The following MGAM variants were observed in gnomAD, a reference collection of about 807,000 sequenced individuals.
The protein encoded by MGAM is maltase-glucoamylase.
A neutral mutation model predicts 358.8 loss-of-function variants in MGAM; 253 were observed. That is an observed-to-expected ratio of 0.71 (90% CI 0.64 to 0.78). The LOEUF is 0.78. MGAM is among the 30% of genes least tolerant of loss of function. The probability of loss-of-function intolerance (pLI) is 0.00; values close to 1 mark genes in which losing one functional copy is unlikely to be tolerated. For synonymous variants in MGAM, 1,105 were observed against 1,227.1 expected, an observed-to-expected ratio of 0.90 and a Z score of 2.08; for missense variants, 3,080 against 3,432.6, an observed-to-expected ratio of 0.90 and a Z score of 2.57.
At position 142,074,074 on chromosome 7, in the gene MGAM, G is replaced by T; in HGVS notation, c.5187-11G>T. Reference sequence around the variant, plus strand: ...CTCCTGTCTTTGTCTCTTGAATCTTGTTCCCCACAGTCGAAAGAACCCTCT... The same window carrying T: ...CTCCTGTCTTTGTCTCTTGAATCTTTTTCCCCACAGTCGAAAGAACCCTCT... On this transcript the variant is annotated splice_polypyrimidine_tract_variant and intron_variant, in intron 44 of 70. Coordinates refer to ENST00000475668, the MANE Select transcript of MGAM (RefSeq NM_001365693.1). The T allele has an allele frequency of 6.6e-7, 1 of 1,511,348 alleles. No homozygotes were observed. Among genetic ancestry groups the T allele is most frequent in the Non-Finnish European group, 9.1e-7 (1 of 1,096,244 alleles). 93.6% of individuals were successfully genotyped at this position (1,511,348 alleles called of 1,614,324 possible).
At chr7:142,082,386 AC>A in intron 51 of MGAM, 88 bp from the exon 52 acceptor site, 1 of 1,288,056 alleles carries the variant, frequency 7.8e-7, no homozygotes, top group Non-Finnish European at 1.1e-6. Flanking sequence ...AGAAAACTAG[AC>A]CCATCTTAGC....
chr7:142,054,625 A>C (rs1563171336), intron 26 of MGAM, 129 bp from the exon 27 acceptor site: 1 of 1,065,038 alleles, frequency 9.4e-7, no homozygotes, highest in Non-Finnish European at 1.3e-6. Context: ...TATTAATTAA[A>C]TCTCAGATAT....
In MGAM at chr7:142,093,924, T is replaced by A. The variant is rs1219588734; in HGVS notation, c.7172+374T>A. On this transcript the variant is annotated intron_variant, in intron 60 of 70. Transcript: ENST00000475668. ...CCTTTATTTCAAAGTGAATCATCTT[T>A]GGAGTTCTTTTTTGTTTTTCACCAT... Among the ~76,000 whole-genome samples the A allele has an allele frequency of 2.7e-5, 4 of 145,536 alleles. 1 individual carries two copies. Among genetic ancestry groups the A allele is most frequent in the African/African-American group, 9.7e-5 (4 of 41,040 alleles).
Position 142,055,738 on chromosome 7 carries a change from G to A in MGAM, c.3483+12G>A, listed in dbSNP as rs371461094. 23 of 1,613,234 alleles carry A rather than the reference G, an allele frequency of 1.4e-5. No individual in the cohort carries two copies. Among genetic ancestry groups the A allele is most frequent in the Non-Finnish European group, 1.9e-5 (22 of 1,179,496 alleles). On this transcript the variant is annotated intron_variant, in intron 28 of 70. Coordinates refer to ENST00000475668, the MANE Select transcript of MGAM (RefSeq NM_001365693.1). ...ACCAGCCCCCAGGGGTAAGGACAGA[G>A]CATTTGGGATCTGTGTCTCTGCTTC...
rs1450254531 is a variant in MGAM, at chr7:142,041,998, AT to A, written c.2498+1154del. 3.9e-3 allele frequency among the ~76,000 whole-genome samples: 51 copies of A among 13,082 alleles called. 6 individuals are homozygous for A. The highest frequency in any genetic ancestry group is 0.016 in the African/African-American group (47 of 3,020). The allele number at this position is 13,082 out of a possible 152,430, so 8.6% of individuals were successfully genotyped here. A position where few individuals can be genotyped will look rare whatever the true frequency, so the allele number is the denominator to read the frequency against. On this transcript the variant is annotated intron_variant, in intron 21 of 70. Transcript: ENST00000475668. Reference sequence around the variant, plus strand: ...TATATATATAATATAATATATATATATTATATATATAATATAATATATATAT... The same window carrying A: ...TATATATATAATATAATATATATATATATATATATAATATAATATATATAT...
rs369302443 is a variant in MGAM, at chr7:142,030,430, T to C, written c.1290T>C (p.Phe430=). 27 of 1,613,546 alleles carry C rather than the reference T, an allele frequency of 1.7e-5. No individual in the cohort carries two copies. In the African/African-American group the frequency reaches 2.5e-4, roughly 15 times the overall value. The change falls in exon 11 of 71, where the codon TTT becomes TTC. Residue 430 remains phenylalanine (F), a synonymous_variant. Transcript: ENST00000475668. ...ACTTCACTTATGATTCAGTGGATTT[T>C]AAAGGCTTCCCTGAATTTGTCAACG... ...RRDFTYDSVD[F]KGFPEFVNEL... is the part of the protein sequence containing the mutation.
Position 142,027,461 on chromosome 7 carries a change from A to G in MGAM, c.1096-149A>G, listed in dbSNP as rs1284864760. ...TGGCCCTACCCTCAAACATTTATGAAGGGGCTGGAAAAATAGACTAACATT... is the reference window on the plus strand; with the variant it reads ...TGGCCCTACCCTCAAACATTTATGAGGGGGCTGGAAAAATAGACTAACATT... On this transcript the variant is annotated intron_variant, in intron 9 of 70. Transcript: ENST00000475668. 1.8e-5 allele frequency: 17 copies of G among 956,732 alleles called. No individual in the cohort carries two copies. In the African/African-American group the frequency reaches 2.8e-4, roughly 16 times the overall value. 59.3% of individuals were successfully genotyped at this position (956,732 alleles called of 1,614,324 possible). A position where few individuals can be genotyped will look rare whatever the true frequency, so the allele number is the denominator to read the frequency against.
chr7:142,013,920 C>G (rs1465818037), intron 3 of MGAM, among the ~76,000 whole-genome samples: 3 of 152,166 alleles, frequency 2.0e-5, no homozygotes, highest in Admixed American at 1.3e-4. Flanking sequence ...TTCCTAGGCT[C>G]TGTCCCAGAA....
chr7:142,049,688 T>A (rs1431238958), intron 22 of MGAM, among the ~76,000 whole-genome samples: 1 of 152,112 alleles, frequency 6.6e-6, no homozygotes, highest in Non-Finnish European at 1.5e-5. Flanking sequence ...CTAACTGGCA[T>A]GTGAAAAGAT....
rs186347528 is a variant in MGAM at position 142,065,581 on chromosome 7, G to T, written c.4619-7G>T. On this transcript the variant is annotated splice_polypyrimidine_tract_variant and splice_region_variant and intron_variant, in intron 38 of 70. Coordinates refer to ENST00000475668, the MANE Select transcript of MGAM (RefSeq NM_001365693.1). ...CTGGTGTGACACAGCTGTGCTTCTC[G>T]TTGCAGGCATGATGGAGTTCAGCCT... 6.2e-7 allele frequency: 1 copy of T among 1,613,952 alleles called. No individual in the cohort carries two copies. Among genetic ancestry groups the T allele is most frequent in the East Asian group, 2.2e-5 (1 of 44,864 alleles).
At chr7:142,003,785 T>C (rs1285943) in intron 1 of MGAM, among the ~76,000 whole-genome samples, 73,219 of 151,754 alleles carry the variant, frequency 0.48, 18,125 homozygotes, top group East Asian at 0.68. Context: ...TTAAAATATT[T>C]GCAAACAGTG....
At chr7:142,062,200 A>G (rs1408955234) in intron 34 of MGAM, among the ~76,000 whole-genome samples, 2 of 152,174 alleles carry the variant, frequency 1.3e-5, no homozygotes, top group Non-Finnish European at 2.9e-5. Flanking sequence ...ATTACCATGC[A>G]TCTCATGTCT....
rs781602751 is a variant in MGAM at position 142,099,686 on chromosome 7, G to T, written c.7823G>T (p.Arg2608Leu). 6.2e-6 allele frequency: 10 copies of T among 1,613,972 alleles called. No individual in the cohort carries two copies. Among genetic ancestry groups the T allele is most frequent in the East Asian group, 2.2e-5 (1 of 44,874 alleles). Reference protein sequence around the residue: ...APLDHINLHVRGGYILPWQEP... With the variant: ...APLDHINLHVLGGYILPWQEP... The stretch of plus-strand genomic sequence containing the variant: ...CTTGACCACATTAATCTTCATGTCC[G>T]TGGGGGCTACATCCTGCCCTGGCAA... Residue 2608 changes from arginine to leucine, a missense_variant, in exon 67 of 71, where the codon CGT (arginine) becomes CTT (leucine). By Grantham distance (102) the Arg-to-Leu change is moderately radical. Coordinates refer to ENST00000475668, the MANE Select transcript of MGAM (RefSeq NM_001365693.1).
chr7:142,056,977 C>G (rs560158573), intron 30 of MGAM, 35 bp downstream of exon 30: 2 of 1,597,706 alleles, frequency 1.3e-6, no homozygotes, highest in South Asian at 2.2e-5. Context: ...CAAGTACTTA[C>G]ACAGCACATT....
chr7:142,027,334 A>T (rs528035675), intron 9 of MGAM, 107 bp downstream of exon 9: 1 of 910,746 alleles, frequency 1.1e-6, no homozygotes, highest in South Asian at 1.6e-5. Flanking sequence ...GCTGTTACAA[A>T]TTTGAGATAT....
intron 53 of MGAM, among the ~76,000 whole-genome samples, chr7:142,084,167 G>GAAGCACT: frequency 6.8e-6 from 1 of 146,310 alleles, no homozygotes; most frequent in Admixed American, 6.9e-5. Context: ...TGAAGAAACT[G>GAAGCACT]AAGCACTAAG....
rs911244850 is a variant in MGAM, at chr7:142,011,013, T to C, written c.327+2308T>C. 2.6e-5 allele frequency among the ~76,000 whole-genome samples: 4 copies of C among 152,192 alleles called. No homozygotes were observed. In the South Asian group the frequency reaches 8.3e-4, roughly 32 times the overall value. ...AATGATAGTTAATACTTTTAAATCC[T>C]TTGATTTTTCAGGGCTATAAAGCAC... On this transcript the variant is annotated intron_variant, in intron 3 of 70. Coordinates refer to ENST00000475668, the MANE Select transcript of MGAM (RefSeq NM_001365693.1).
chr7:142,077,348 G>T (rs1435849967), intron 47 of MGAM, among the ~76,000 whole-genome samples: 3 of 145,146 alleles, frequency 2.1e-5, no homozygotes, highest in Non-Finnish European at 1.6e-5. Context: ...GAGTGGGAGT[G>T]GGGGCTGGGG....
rs560926251 is a variant in MGAM, at chr7:142,093,359, A to G, written c.7034-53A>G. The G allele has an allele frequency of 1.0e-5, 15 of 1,499,940 alleles. 2 individuals carry two copies. In the African/African-American group the frequency reaches 1.8e-4, roughly 18 times the overall value. The allele number at this position is 1,499,940 out of a possible 1,614,324, so 92.9% of individuals were successfully genotyped here. ...GGGCCCAGTCCCTTGAAGAGAAGTC[A>G]GGGAGAAACAGAATCAGGGCTGGAT... On this transcript the variant is annotated intron_variant, in intron 59 of 70. Coordinates refer to ENST00000475668, the MANE Select transcript of MGAM (RefSeq NM_001365693.1).
Sources: allele counts gnomAD v4.1 joint callset (sites outside exome capture counted in the v4.1 genomes callset), GRCh38; gene constraint gnomAD v4.1.1; transcripts MANE v1.5; gene names NCBI Gene and HGNC (gene_info 2026-07-23, HGNC 2026-07-21).